The following PCDHGA5 variants were observed in gnomAD, a reference collection of about 807,000 sequenced individuals.
PCDHGA5 encodes protocadherin gamma-A5.
In PCDHGA5, 36 loss-of-function variants were observed where a neutral mutation model predicts 56.7. That is an observed-to-expected ratio of 0.64 (90% CI 0.49 to 0.84). The LOEUF (loss-of-function observed/expected upper bound fraction) is 0.84, where lower values mean the gene tolerates loss of function less well. Ranked by LOEUF, PCDHGA5 falls within the 40% of genes least tolerant of loss-of-function variation. The pLI, the probability that PCDHGA5 is intolerant of heterozygous loss-of-function variation, is 0.00. For missense variants in PCDHGA5, 1,305 were observed against 1,201.5 expected (o/e 1.09, Z -1.27); for synonymous variants, 563 against 520.2 (o/e 1.08, Z -1.12).
rs1562131721 is a variant in PCDHGA5, at chr5:141,489,636, C to CGAGA, written c.2422-5171_2422-5170insGAGA. 10 of 1,614,074 alleles carry CGAGA rather than the reference C, an allele frequency of 6.2e-6. No individual in the cohort carries two copies. The highest frequency in any genetic ancestry group is 2.7e-5 in the African/African-American group (2 of 74,930). On this transcript the variant is annotated intron_variant, in intron 1 of 3. Coordinates refer to ENST00000518069, the MANE Select transcript of PCDHGA5 (RefSeq NM_018918.3). This position sits in a 1 kb window ranked among gnomAD's most constrained non-coding sequence, Gnocchi z 4.5. ...TGGATCTCAATGACAACTCTCCTAG[C>CGAGA]TTTGCCACCCCTGAGCGAGAGATGC...
chr5:141,398,692 AG>A, intron 1 of PCDHGA5: 1 of 1,613,942 alleles, frequency 6.2e-7, no homozygotes, highest in Non-Finnish European at 8.5e-7. Context: ...ACAGGATGGT[AG>A]TAAATACCCG....
intron 1 of PCDHGA5, chr5:141,383,896 G>A: frequency 6.2e-7 from 1 of 1,613,960 alleles, no homozygotes; most frequent in Non-Finnish European, 8.5e-7. Flanking sequence ...AAAGGCAAAA[G>A]TACTGATCAC....
chr5:141,451,812 C>G (rs974567828), intron 1 of PCDHGA5, among the ~76,000 whole-genome samples: 1 of 149,686 alleles, frequency 6.7e-6, no homozygotes, highest in Non-Finnish European at 1.5e-5. Flanking sequence ...ACCCAGGAGG[C>G]GGAGGTTACA....
At position 141,410,196 on chromosome 5, in the gene PCDHGA5, C is replaced by A. The variant is rs773310778; in HGVS notation, c.2421+43445C>A. 7.4e-6 allele frequency: 12 copies of A among 1,613,866 alleles called. No individual in the cohort carries two copies. In the South Asian group the frequency reaches 1.2e-4, roughly 16 times the overall value. On this transcript the variant is annotated intron_variant, in intron 1 of 3. Transcript: ENST00000518069. ...ACCGCCACGCTTCATCTGGTCTTCG[C>A]AGACAACTTGCAAGAGATACTGCCA... is the stretch of plus-strand genomic sequence containing the variant.
At position 141,364,653 on chromosome 5, in the gene PCDHGA5, T is replaced by C; in HGVS notation, c.323T>C (p.Ile108Thr). The change falls in exon 1 of 4, where the codon ATC becomes ACC. Residue 108 changes from isoleucine to threonine, a missense_variant. Ile to Thr is a moderately conservative substitution (Grantham distance 89, BLOSUM62 -1). Transcript: ENST00000518069. ...QSPLCVVNFNILVENKMKIYG... is the reference protein window; with the variant it reads ...QSPLCVVNFNTLVENKMKIYG... ...CCACTGTGTGTGGTGAACTTTAACATCTTGGTTGAGAACAAAATGAAAATT... is the reference window on the plus strand; with the variant it reads ...CCACTGTGTGTGGTGAACTTTAACACCTTGGTTGAGAACAAAATGAAAATT... 6.2e-7 allele frequency: 1 copy of C among 1,614,052 alleles called. No individual in the cohort carries two copies. Among genetic ancestry groups the C allele is most frequent in the Non-Finnish European group, 8.5e-7 (1 of 1,179,912 alleles).
chr5:141,438,074 T>C (rs963146682), intron 1 of PCDHGA5, among the ~76,000 whole-genome samples: 10 of 152,116 alleles, frequency 6.6e-5, no homozygotes, highest in African/African-American at 2.4e-4. Flanking sequence ...CCATACTTAA[T>C]GGAAAATTAC....
intron 1 of PCDHGA5, chr5:141,409,583 G>A (rs1221824873): frequency 1.2e-6 from 2 of 1,613,920 alleles, no homozygotes; most frequent in African/African-American, 1.3e-5. Flanking sequence ...CGTGGTCCAC[G>A]TGGCCGAGAA....
intron 1 of PCDHGA5, chr5:141,408,038 C>G (rs2095030679): frequency 8.6e-7 from 1 of 1,156,402 alleles, no homozygotes; most frequent in Admixed American, 3.0e-5. Flanking sequence ...AGAAAACCAG[C>G]TCCCACACAG....
intron 1 of PCDHGA5, among the ~76,000 whole-genome samples, chr5:141,483,611 A>G (rs2099583566): frequency 6.6e-6 from 1 of 151,952 alleles, no homozygotes; most frequent in South Asian, 2.1e-4. Context: ...TTACACCTCC[A>G]TCATTCCCAT....
intron 1 of PCDHGA5, among the ~76,000 whole-genome samples, chr5:141,450,485 TTGTC>T (rs1466269978): frequency 1.3e-5 from 2 of 152,158 alleles, no homozygotes; most frequent in African/African-American, 2.4e-5. Flanking sequence ...GTTTGTTTGT[TTGTC>T]TGTTTGTTTG....
rs371245499 is a variant in PCDHGA5 at position 141,399,811 on chromosome 5, G to T, written c.2421+33060G>T. 1.0e-4 allele frequency: 169 copies of T among 1,613,100 alleles called. No homozygotes were observed. The highest frequency in any genetic ancestry group is 1.4e-4 in the Non-Finnish European group (163 of 1,179,762). ...CAACGCACCGCGGGTGCTGTACCCC[G>T]CGCTGGGTCCCGACGGCTCTGCGCT... On this transcript the variant is annotated intron_variant, in intron 1 of 3. Coordinates refer to ENST00000518069, the MANE Select transcript of PCDHGA5 (RefSeq NM_018918.3).
At chr5:141,367,381 C>CA (rs1372529981) in intron 1 of PCDHGA5, 2 of 151,950 alleles carry the variant, frequency 1.3e-5, no homozygotes, top group Non-Finnish European at 2.9e-5. Flanking sequence ...ACTAAAAATA[C>CA]AAAAAATTAG....
At chr5:141,419,465 G>C (rs568864628) in intron 1 of PCDHGA5, 77 of 1,612,426 alleles carry the variant, frequency 4.8e-5, no homozygotes, top group Non-Finnish European at 6.4e-5. Context: ...GCAGGCCCGC[G>C]ACCAGGGCTC....
rs1369150914 is a variant in PCDHGA5 at position 141,432,217 on chromosome 5, G to A, written c.2422-62590G>A. The A allele has an allele frequency of 3.1e-6, 5 of 1,614,204 alleles. No individual in the cohort carries two copies. The East Asian group carries it at 6.7e-5, about 22-fold the overall frequency. On this transcript the variant is annotated intron_variant, in intron 1 of 3. Coordinates refer to ENST00000518069, the MANE Select transcript of PCDHGA5 (RefSeq NM_018918.3). The surrounding 1 kb of genome is among the most constrained non-coding windows in gnomAD (Gnocchi z 6.0). ...ACCCCGACTGTGAAGAGAACGCCCAGATCACTTATTCCCTGGCTGAGAACA... is the reference window on the plus strand; with the variant it reads ...ACCCCGACTGTGAAGAGAACGCCCAAATCACTTATTCCCTGGCTGAGAACA...
intron 1 of PCDHGA5, chr5:141,404,272 G>A (rs2094505108): frequency 6.2e-7 from 1 of 1,613,834 alleles, no homozygotes; most frequent in Non-Finnish European, 8.5e-7. Flanking sequence ...ACATCACCCT[G>A]CAAGTGACTG....
At chr5:141,465,826 T>A (rs1402342209) in intron 1 of PCDHGA5, among the ~76,000 whole-genome samples, 1 of 151,994 alleles carries the variant, frequency 6.6e-6, no homozygotes, top group Non-Finnish European at 1.5e-5. Context: ...CACATTTGTT[T>A]AAAATTTCAA....
intron 1 of PCDHGA5, among the ~76,000 whole-genome samples, chr5:141,448,146 C>G (rs1375402473): frequency 6.6e-6 from 1 of 151,942 alleles, no homozygotes; most frequent in Non-Finnish European, 1.5e-5. Flanking sequence ...ATACCTCAGA[C>G]TCACCCCTGA....
At chr5:141,428,188 G>C (rs1023078587) in intron 1 of PCDHGA5, 1 of 1,433,232 alleles carries the variant, frequency 7.0e-7, no homozygotes, top group African/African-American at 1.4e-5. Flanking sequence ...GACAGCCGCC[G>C]CTCTCTGCGC....
At chr5:141,372,515 G>A (rs1768826871) in intron 1 of PCDHGA5, 2 of 1,614,050 alleles carry the variant, frequency 1.2e-6, no homozygotes, top group Admixed American at 1.7e-5. Context: ...TCCTCGCGGT[G>A]ATTCTGGCAA....
Sources: allele counts gnomAD v4.1 joint callset (sites outside exome capture counted in the v4.1 genomes callset), GRCh38; gene constraint gnomAD v4.1.1; non-coding constraint Gnocchi (gnomAD v3.1); transcripts MANE v1.5; gene names NCBI Gene and HGNC (gene_info 2026-07-23, HGNC 2026-07-21).